CLSTN2: variants seen among roughly 807,000 people sequenced by gnomAD.
CLSTN2 encodes calsyntenin 2.
Under a neutral mutation model 101.2 loss-of-function variants are expected in CLSTN2, and 48 were observed. That is an observed-to-expected ratio of 0.47 (90% CI 0.38 to 0.60). The LOEUF (loss-of-function observed/expected upper bound fraction) is 0.60, where lower values mean the gene tolerates loss of function less well. Ranked by LOEUF, CLSTN2 falls within the 20% of genes least tolerant of loss-of-function variation. The pLI is 0.00. For missense variants in CLSTN2, 1,160 were observed against 1,238.2 expected (o/e 0.94, Z 0.95); for synonymous variants, 481 against 463.6 (o/e 1.04, Z -0.48).
chr3:140,504,906 T>C (rs1033169098), intron 8 of CLSTN2, among the ~76,000 whole-genome samples: 3 of 152,166 alleles, frequency 2.0e-5, no homozygotes, highest in African/African-American at 7.2e-5. Context: ...TCCAGAGCTT[T>C]ATATGAGACC....
intron 9 of CLSTN2, among the ~76,000 whole-genome samples, chr3:140,538,195 T>C (rs12638211): frequency 0.29 from 33,356 of 115,300 alleles, 3,816 homozygotes; most frequent in African/African-American, 0.36. Flanking sequence ...CCTGTCTCTG[T>C]CAGGGGACTC....
intron 2 of CLSTN2, among the ~76,000 whole-genome samples, chr3:140,329,350 C>A (rs116330811): frequency 6.6e-6 from 1 of 152,190 alleles, no homozygotes; most frequent in Non-Finnish European, 1.5e-5. Flanking sequence ...CACGCCACTG[C>A]GCTCCATCCT....
chr3:140,419,028 T>G (rs1474347464), intron 4 of CLSTN2, among the ~76,000 whole-genome samples: 2 of 118,354 alleles, frequency 1.7e-5, no homozygotes, highest in Middle Eastern at 3.5e-3. Context: ...TTGGTGGACC[T>G]TTTTTTAAAA....
intron 1 of CLSTN2, among the ~76,000 whole-genome samples, chr3:140,082,981 C>T (rs1376356521): frequency 6.6e-6 from 1 of 152,162 alleles, no homozygotes; most frequent in Non-Finnish European, 1.5e-5. Flanking sequence ...AACCAGAGGG[C>T]CTTTACACAT....
intron 1 of CLSTN2, among the ~76,000 whole-genome samples, chr3:140,056,565 C>G (rs1031144246): frequency 6.6e-6 from 1 of 152,056 alleles, no homozygotes; most frequent in Non-Finnish European, 1.5e-5. Flanking sequence ...AGGTTAATGG[C>G]CAAAACATGA....
intron 1 of CLSTN2, among the ~76,000 whole-genome samples, chr3:139,975,504 C>A (rs1484762760): frequency 6.6e-6 from 1 of 152,140 alleles, no homozygotes; most frequent in Non-Finnish European, 1.5e-5. Context: ...TATGAGAAGT[C>A]ATTCAACTTA....
At chr3:140,168,949 T>C (rs1374261188) in intron 1 of CLSTN2, among the ~76,000 whole-genome samples, 1 of 152,142 alleles carries the variant, frequency 6.6e-6, no homozygotes, top group Non-Finnish European at 1.5e-5. Flanking sequence ...TTTGTTCTTT[T>C]TTCCTAAAAT....
intron 1 of CLSTN2, among the ~76,000 whole-genome samples, chr3:139,991,666 A>G (rs61122280): frequency 0.042 from 6,427 of 152,336 alleles, 415 homozygotes; most frequent in East Asian, 0.33. Flanking sequence ...CCCTCGGGAT[A>G]TGGTGATATT....
chr3:139,942,078 C>T (rs548354727), intron 1 of CLSTN2, among the ~76,000 whole-genome samples: 29 of 152,238 alleles, frequency 1.9e-4, no homozygotes, highest in Non-Finnish European at 3.7e-4. Flanking sequence ...CACAGGCTTA[C>T]CTATTCAGAA....
chr3:140,094,907 G>A (rs1002372367), intron 1 of CLSTN2, among the ~76,000 whole-genome samples: 1 of 152,196 alleles, frequency 6.6e-6, no homozygotes, highest in East Asian at 1.9e-4. Context: ...AATACGTCAA[G>A]GATCGTACTG....
intron 2 of CLSTN2, among the ~76,000 whole-genome samples, chr3:140,387,614 C>T (rs2088067340): frequency 6.6e-6 from 1 of 152,172 alleles, no homozygotes; most frequent in Admixed American, 6.5e-5. Context: ...CTTCTCTCTG[C>T]CCGAAGTGGC....
At chr3:140,053,205 G>A (rs888307533) in intron 1 of CLSTN2, among the ~76,000 whole-genome samples, 6 of 152,194 alleles carry the variant, frequency 3.9e-5, no homozygotes, top group African/African-American at 1.4e-4. Flanking sequence ...CTGGACTCTG[G>A]ATGGGAGGTA....
intron 1 of CLSTN2, among the ~76,000 whole-genome samples, chr3:139,980,862 G>A (rs2107823527): frequency 6.6e-6 from 1 of 152,196 alleles, no homozygotes; most frequent in East Asian, 1.9e-4. Context: ...CCTACACCAA[G>A]TTTGTCATAC....
At chr3:140,528,669 G>A (rs1219981316) in intron 8 of CLSTN2, among the ~76,000 whole-genome samples, 1 of 150,256 alleles carries the variant, frequency 6.7e-6, no homozygotes, top group East Asian at 1.9e-4. Flanking sequence ...GGAATAAGAG[G>A]TTTCTGCTTC....
chr3:140,342,817 G>C (rs1217521934), intron 2 of CLSTN2, among the ~76,000 whole-genome samples: 1 of 152,166 alleles, frequency 6.6e-6, no homozygotes, highest in East Asian at 1.9e-4. Flanking sequence ...ACTGTGGCCA[G>C]AACATCTTGC....
At chr3:140,404,433 A>G (rs2088280319) in intron 3 of CLSTN2, 125 bp from the exon 4 acceptor site, 2 of 791,870 alleles carry the variant, frequency 2.5e-6, no homozygotes, top group African/African-American at 3.4e-5. Context: ...GACAACTGCC[A>G]CAATTGGCTG....
At chr3:140,528,636 C>CAAAAAAAAAAAA (rs3057900) in intron 8 of CLSTN2, among the ~76,000 whole-genome samples, 1 of 148,902 alleles carries the variant, frequency 6.7e-6, no homozygotes, top group African/African-American at 2.5e-5. Flanking sequence ...GTGCCTCTGA[C>CAAAAAAAAAAAA]AAAAAAAAGA....
At chr3:140,075,540 A>G (rs2008472413) in intron 1 of CLSTN2, among the ~76,000 whole-genome samples, 2 of 152,174 alleles carry the variant, frequency 1.3e-5, no homozygotes, top group Admixed American at 6.5e-5. Context: ...ACACCCTCCC[A>G]TTTATATCTC....
At chr3:140,113,327 TG>T (rs2009185709) in intron 1 of CLSTN2, among the ~76,000 whole-genome samples, 2 of 152,328 alleles carry the variant, frequency 1.3e-5, no homozygotes, top group Non-Finnish European at 2.9e-5. Flanking sequence ...GCCTAGGGGC[TG>T]GCTACAGTGC....
Sources: allele counts gnomAD v4.1 joint callset (sites outside exome capture counted in the v4.1 genomes callset), GRCh38; gene constraint gnomAD v4.1.1; transcripts MANE v1.5; gene names NCBI Gene and HGNC (gene_info 2026-07-23, HGNC 2026-07-21).